The following PPP1R13B variants were observed in gnomAD, a reference collection of about 807,000 sequenced individuals.
The protein encoded by PPP1R13B is protein phosphatase 1 regulatory subunit 13B.
In PPP1R13B, 44 loss-of-function variants were observed where a neutral mutation model predicts 119.8. The observed-to-expected ratio is 0.37, with a 90% CI of 0.29 to 0.47. The LOEUF is 0.47. Ranked by LOEUF, PPP1R13B falls within the 20% of genes least tolerant of loss-of-function variation. The pLI, the probability that PPP1R13B is intolerant of heterozygous loss-of-function variation, is 0.99. For synonymous variants in PPP1R13B, 542 were observed against 561.5 expected, an observed-to-expected ratio of 0.97 and a Z score of 0.49; for missense variants, 1,227 against 1,413.5, an observed-to-expected ratio of 0.87 and a Z score of 2.12.
chr14:103,733,283 G>GCTAAA lies in PPP1R13B; in HGVS notation c.*1866_*1870dup. 4.4e-6 allele frequency: 2 copies of GCTAAA among 458,820 alleles called. No individual in the cohort carries two copies. Among genetic ancestry groups the GCTAAA allele is most frequent in the East Asian group, 3.8e-5 (1 of 26,056 alleles). The allele number at this position is 458,820 out of a possible 1,614,324, so 28.4% of individuals were successfully genotyped here. On this transcript the variant is annotated 3_prime_UTR_variant, in exon 17 of 17. Coordinates refer to ENST00000202556, the MANE Select transcript of PPP1R13B (RefSeq NM_015316.3). ...GTGGGAGAGACTGAGCTACACTACT[G>GCTAAA]CTAAACTATTTTTAGCATAATATAT...
At chr14:103,786,393 A>C (rs2085462625) in intron 2 of PPP1R13B, among the ~76,000 whole-genome samples, 2 of 152,180 alleles carry the variant, frequency 1.3e-5, no homozygotes, top group South Asian at 4.1e-4. Flanking sequence ...TTGAATTTAA[A>C]GGAACACTTT....
chr14:103,780,383 A>T (rs1289770363), intron 3 of PPP1R13B, among the ~76,000 whole-genome samples: 1 of 146,706 alleles, frequency 6.8e-6, no homozygotes, highest in Non-Finnish European at 1.5e-5. Context: ...GCTACTTGGA[A>T]GGCTGAAGTG....
At chr14:103,825,043 TTC>T (rs1424060543) in intron 1 of PPP1R13B, among the ~76,000 whole-genome samples, 3 of 152,204 alleles carry the variant, frequency 2.0e-5, no homozygotes, top group Non-Finnish European at 4.4e-5. Context: ...TGTGTCACAA[TTC>T]TCTCAATATT....
chr14:103,759,490 A>G (rs1236947727), intron 4 of PPP1R13B, among the ~76,000 whole-genome samples: 7 of 151,580 alleles, frequency 4.6e-5, no homozygotes, highest in Non-Finnish European at 5.9e-5. Context: ...TTTTTTGTAG[A>G]GGCAGGGGTC....
At chr14:103,845,990 T>G (rs1486346906) in intron 1 of PPP1R13B, among the ~76,000 whole-genome samples, 1 of 152,234 alleles carries the variant, frequency 6.6e-6, no homozygotes, top group East Asian at 1.9e-4. Context: ...TGGTACATTT[T>G]TATCCCTACT....
chr14:103,787,420 G>A (rs1784818186), intron 2 of PPP1R13B, among the ~76,000 whole-genome samples: 2 of 151,698 alleles, frequency 1.3e-5, no homozygotes. Flanking sequence ...TTCACTCCAT[G>A]CACTCCAGCC....
Position 103,740,066 on chromosome 14 carries a change from C to T in PPP1R13B, c.2350G>A (p.Glu784Lys). Residue 784 changes from glutamate (E) to lysine (K), a missense_variant, in exon 12 of 17, where the codon GAG (glutamate) becomes AAG (lysine). Coordinates refer to ENST00000202556, the MANE Select transcript of PPP1R13B (RefSeq NM_015316.3). The surrounding 1 kb of genome is among the most constrained non-coding windows in gnomAD (Gnocchi z 4.6). ...PAQPTAPLPA[E>K]PAPSSDANDN... ...TTGGCATCTGATGACGGGGCAGGCT[C>T]AGCGGGGAGTGGGGCTGTGGGCTGG... is the stretch of plus-strand genomic sequence containing the variant. 1 of 1,613,960 alleles carries T rather than the reference C, an allele frequency of 6.2e-7. No individual in the cohort carries two copies. The highest frequency in any genetic ancestry group is 8.5e-7 in the Non-Finnish European group (1 of 1,179,988).
chr14:103,734,587 A>G lies in PPP1R13B; in HGVS notation c.*567T>C. The G allele has an allele frequency of 2.2e-6, 1 of 456,486 alleles. No homozygotes were observed. The highest frequency in any genetic ancestry group is 4.4e-6 in the Non-Finnish European group (1 of 226,798). 28.3% of individuals were successfully genotyped at this position (456,486 alleles called of 1,614,324 possible). On this transcript the variant is annotated 3_prime_UTR_variant, in exon 17 of 17. Transcript: ENST00000202556. ...ACTGGAACAGGAAGCGGAACCCCCA[A>G]GGCGGCCGAGCAGAGTGGGTACTGG...
At chr14:103,793,957 G>A (rs2085691402) in intron 2 of PPP1R13B, among the ~76,000 whole-genome samples, 1 of 152,212 alleles carries the variant, frequency 6.6e-6, no homozygotes, top group African/African-American at 2.4e-5. Context: ...AAAATGAAGA[G>A]ATCAAAGTGG....
intron 4 of PPP1R13B, 74 bp from the exon 5 acceptor site, chr14:103,757,825 C>G: frequency 3.2e-6 from 4 of 1,251,532 alleles, no homozygotes; most frequent in Non-Finnish European, 4.6e-6. Context: ...AAAACTCACA[C>G]ATATCAGGAC....
At chr14:103,809,993 A>AT (rs1312034304) in intron 1 of PPP1R13B, among the ~76,000 whole-genome samples, 1 of 151,288 alleles carries the variant, frequency 6.6e-6, no homozygotes, top group African/African-American at 2.4e-5. Context: ...TGCCTGGCTA[A>AT]TTTTTGTATT....
At chr14:103,823,399 C>A (rs1473617898) in intron 1 of PPP1R13B, among the ~76,000 whole-genome samples, 1 of 151,480 alleles carries the variant, frequency 6.6e-6, no homozygotes, top group African/African-American at 2.4e-5. Flanking sequence ...CTCCCTCCAT[C>A]AAGGTGAGCT....
chr14:103,780,485 CAAAAAAAAAAAAAAA>C lies in PPP1R13B; in HGVS notation c.278-1679_278-1665del, dbSNP rs34274916. On this transcript the variant is annotated intron_variant, in intron 3 of 16. Transcript: ENST00000202556. ...CTGGGTAACAAGTGAAACCCTGTCT[CAAAAAAAAAAAAAAA>C]AAAAAAAAAAAAAAGACATTCACTG... Among the ~76,000 whole-genome samples the C allele has an allele frequency of 1.7e-4, 6 of 36,194 alleles. 1 individual carries two copies. The highest frequency in any genetic ancestry group is 1.4e-4 in the Non-Finnish European group (3 of 22,124). 23.7% of individuals were successfully genotyped at this position (36,194 alleles called of 152,430 possible).
chr14:103,745,473 A>G (rs1238483020), intron 9 of PPP1R13B, among the ~76,000 whole-genome samples: 1 of 152,220 alleles, frequency 6.6e-6, no homozygotes, highest in African/African-American at 2.4e-5. Context: ...CTCAGTCATA[A>G]AGAAAGTCTT....
intron 2 of PPP1R13B, chr14:103,797,163 A>G (rs2152040832): frequency 4.5e-6 from 2 of 447,134 alleles, no homozygotes; most frequent in South Asian, 9.8e-5. Context: ...ATATAATTAC[A>G]TTTATTTTAA....
At chr14:103,824,086 G>A (rs1180131641) in intron 1 of PPP1R13B, among the ~76,000 whole-genome samples, 2 of 117,146 alleles carry the variant, frequency 1.7e-5, no homozygotes, top group East Asian at 2.5e-4. Flanking sequence ...TTGCTCTGTC[G>A]CCAGACTGGA....
chr14:103,735,231 C>G (rs1366274133), intron 16 of PPP1R13B, 36 bp from the exon 17 acceptor site: 20 of 1,612,434 alleles, frequency 1.2e-5, no homozygotes, highest in Middle Eastern at 3.6e-4. Context: ...GACAGGAAGC[C>G]ACACACAGGG....
At chr14:103,745,819 G>C (rs903066812) in intron 9 of PPP1R13B, among the ~76,000 whole-genome samples, 3 of 151,784 alleles carry the variant, frequency 2.0e-5, no homozygotes, top group Non-Finnish European at 4.4e-5. Flanking sequence ...GTTTTGTTTT[G>C]TTTTTTTTGA....
intron 4 of PPP1R13B, chr14:103,763,189 T>A: frequency 8.4e-6 from 5 of 592,636 alleles, no homozygotes; most frequent in Non-Finnish European, 1.2e-5. Flanking sequence ...AACAATAAAA[T>A]GTGGAATGTG....
Sources: allele counts gnomAD v4.1 joint callset (sites outside exome capture counted in the v4.1 genomes callset), GRCh38; gene constraint gnomAD v4.1.1; non-coding constraint Gnocchi (gnomAD v3.1); transcripts MANE v1.5; gene names NCBI Gene and HGNC (gene_info 2026-07-23, HGNC 2026-07-21).